Variants in RAB18 observed in about 807,000 individuals in gnomAD.
RAB18 encodes ras-related protein Rab-18.
Under a neutral mutation model 28.5 loss-of-function variants are expected in RAB18, and 10 were observed. The ratio of observed to expected loss-of-function variants is 0.35; its 90% confidence interval spans 0.22 to 0.60. The LOEUF (loss-of-function observed/expected upper bound fraction) is 0.60. Ranked by LOEUF, RAB18 falls within the 20% of genes least tolerant of loss-of-function variation. The pLI, the probability that RAB18 is intolerant of heterozygous loss-of-function variation, is 0.78. For synonymous variants in RAB18, 93 were observed against 86.9 expected (o/e 1.07, Z -0.39); for missense variants, 188 against 244.2 (o/e 0.77, Z 1.53).
rs370029370 is a variant in RAB18 at position 27,504,696 on chromosome 10, C to G, written c.68+259C>G. The G allele has an allele frequency of 5.6e-4, 403 of 713,356 alleles. No individual in the cohort carries two copies. The African/African-American group carries it at 6.3e-3, about 11-fold the overall frequency. 44.2% of individuals were successfully genotyped at this position (713,356 alleles called of 1,614,324 possible). ...CCCTCCTGTAGCGCCGAGAAAACAC[C>G]ATTCCGAGGGCCGCCGCTCGGCCGG... On this transcript the variant is annotated intron_variant, in intron 1 of 6. Transcript: ENST00000356940.
chr10:27,508,018 T>TAAA (rs1013067334), intron 1 of RAB18, among the ~76,000 whole-genome samples: 1 of 135,864 alleles, frequency 7.4e-6, no homozygotes, highest in South Asian at 2.4e-4. Flanking sequence ...CCCTCTCTCT[T>TAAA]AAAAAAAAAA....
chr10:27,514,598 C>T (rs1192336707), intron 2 of RAB18, among the ~76,000 whole-genome samples: 4 of 151,550 alleles, frequency 2.6e-5, no homozygotes, highest in Non-Finnish European at 4.4e-5. Context: ...AATGTTAAAA[C>T]GAATTAGAAA....
intron 6 of RAB18, among the ~76,000 whole-genome samples, chr10:27,537,314 C>A (rs1834920166): frequency 6.6e-6 from 1 of 152,178 alleles, no homozygotes; most frequent in African/African-American, 2.4e-5. Flanking sequence ...GTACTCATCT[C>A]AGACGGTGAG....
chr10:27,509,067 T>C (rs1030844100), intron 1 of RAB18, among the ~76,000 whole-genome samples: 1 of 152,224 alleles, frequency 6.6e-6, no homozygotes, highest in Non-Finnish European at 1.5e-5. Context: ...TGTAAAATCT[T>C]AGAGTACCCT....
chr10:27,505,103 T>C (rs373336105), intron 1 of RAB18: 13 of 533,408 alleles, frequency 2.4e-5, no homozygotes, highest in Non-Finnish European at 4.2e-5. Context: ...TTTTGCCACA[T>C]CCTGTGGAGA....
chr10:27,512,210 T>C (rs1231637710), intron 2 of RAB18, among the ~76,000 whole-genome samples: 1 of 152,150 alleles, frequency 6.6e-6, no homozygotes, highest in Non-Finnish European at 1.5e-5. Flanking sequence ...AGATTTACTC[T>C]TATTTGTGTC....
chr10:27,538,288 G>A lies in RAB18; in HGVS notation c.*237G>A, dbSNP rs879383793. On this transcript the variant is annotated 3_prime_UTR_variant, in exon 7 of 7. Transcript: ENST00000356940. Reference sequence around the variant, plus strand: ...GCACAAAATAGGTGTACCTTTATAAGTACATTCAATTTTATGATTTACATT... The same window carrying A: ...GCACAAAATAGGTGTACCTTTATAAATACATTCAATTTTATGATTTACATT... 1.1e-5 allele frequency: 7 copies of A among 632,122 alleles called. No individual in the cohort carries two copies. Among genetic ancestry groups the A allele is most frequent in the Admixed American group, 6.3e-5 (3 of 47,986 alleles). The allele number at this position is 632,122 out of a possible 1,614,324, so 39.2% of individuals were successfully genotyped here.
At position 27,539,997 on chromosome 10, in the gene RAB18, A is replaced by G. The variant is rs1344671920; in HGVS notation, c.*1946A>G. 1 of 454,018 alleles carries G rather than the reference A, an allele frequency of 2.2e-6. No homozygotes were observed. Among genetic ancestry groups the G allele is most frequent in the Admixed American group, 2.3e-5 (1 of 42,574 alleles). The allele number at this position is 454,018 out of a possible 1,614,324, so 28.1% of individuals were successfully genotyped here. A position where few individuals can be genotyped will look rare whatever the true frequency, so the allele number is the denominator to read the frequency against. The stretch of plus-strand genomic sequence containing the variant: ...TGAAACAGTTGTAATATCTAAGGTC[A>G]GGCACCTAGTAACAGGGTTTTGTTA... On this transcript the variant is annotated 3_prime_UTR_variant, in exon 7 of 7. Transcript: ENST00000356940.
chr10:27,529,103 C>T (rs571077808), intron 3 of RAB18, among the ~76,000 whole-genome samples: 5 of 151,832 alleles, frequency 3.3e-5, no homozygotes, highest in African/African-American at 9.6e-5. Flanking sequence ...TATCATTTGC[C>T]TTTAAAATCA....
At chr10:27,537,845 A>G (rs1350167954) in intron 6 of RAB18, 31 bp from the exon 7 acceptor site, 1 of 1,565,542 alleles carries the variant, frequency 6.4e-7, no homozygotes. Context: ...AAAGGAATAT[A>G]CTATGAATGA....
chr10:27,522,254 ATATGTT>A (rs1328550001), intron 2 of RAB18, among the ~76,000 whole-genome samples: 1 of 152,082 alleles, frequency 6.6e-6, no homozygotes, highest in Non-Finnish European at 1.5e-5. Flanking sequence ...TCTGTGGTGT[ATATGTT>A]TATAATTGTT....
At chr10:27,533,681 C>G (rs917395499) in intron 4 of RAB18, 54 bp from the exon 5 acceptor site, 2 of 1,568,240 alleles carry the variant, frequency 1.3e-6, no homozygotes, top group Admixed American at 3.5e-5. Flanking sequence ...ATCAGAAATA[C>G]GCCATTGCTT....
At chr10:27,512,912 AAT>A (rs1232974166) in intron 2 of RAB18, among the ~76,000 whole-genome samples, 1 of 151,874 alleles carries the variant, frequency 6.6e-6, no homozygotes, top group African/African-American at 2.4e-5. Flanking sequence ...TGCTGGTGAA[AAT>A]ATATGTAATT....
intron 1 of RAB18, among the ~76,000 whole-genome samples, chr10:27,507,122 A>G (rs1837862248): frequency 6.6e-6 from 1 of 152,224 alleles, no homozygotes; most frequent in Non-Finnish European, 1.5e-5. Flanking sequence ...TGTGGATATG[A>G]TCTTAAAGGA....
intron 1 of RAB18, among the ~76,000 whole-genome samples, chr10:27,508,850 C>G (rs989325643): frequency 2.0e-5 from 3 of 152,104 alleles, no homozygotes; most frequent in Admixed American, 2.0e-4. Context: ...TAAGATTTTT[C>G]TATAATTTAG....
intron 1 of RAB18, among the ~76,000 whole-genome samples, chr10:27,507,927 C>T (rs570408815): frequency 1.3e-5 from 2 of 151,294 alleles, no homozygotes; most frequent in South Asian, 4.2e-4. Context: ...CCTGTCATGC[C>T]AGTTACTTGG....
chr10:27,505,825 T>C (rs746309958), intron 1 of RAB18, among the ~76,000 whole-genome samples: 1 of 152,152 alleles, frequency 6.6e-6, no homozygotes, highest in African/African-American at 2.4e-5. Flanking sequence ...CCCAAAGTGC[T>C]AGGATTACAG....
Position 27,539,605 on chromosome 10 carries a change from A to G in RAB18, c.*1554A>G, listed in dbSNP as rs142068507. On this transcript the variant is annotated 3_prime_UTR_variant, in exon 7 of 7. Transcript: ENST00000356940. ...TGTACTTGTGATTTGTTCATGTTAT[A>G]TTAAAACTTGAGATTTGTGTATTTA... is the stretch of plus-strand genomic sequence containing the variant. 28 of 447,538 alleles carry G rather than the reference A, an allele frequency of 6.3e-5. No individual in the cohort carries two copies. The highest frequency in any genetic ancestry group is 5.2e-4 in the African/African-American group (26 of 49,714). 27.7% of individuals were successfully genotyped at this position (447,538 alleles called of 1,614,324 possible). A position where few individuals can be genotyped will look rare whatever the true frequency, so the allele number is the denominator to read the frequency against.
chr10:27,507,319 CTG>C (rs1837866637), intron 1 of RAB18, among the ~76,000 whole-genome samples: 1 of 152,164 alleles, frequency 6.6e-6, no homozygotes, highest in African/African-American at 2.4e-5. Flanking sequence ...GATTATGAAA[CTG>C]GGGCTGCCAC....
Sources: allele counts gnomAD v4.1 joint callset (sites outside exome capture counted in the v4.1 genomes callset), GRCh38; gene constraint gnomAD v4.1.1; transcripts MANE v1.5; gene names NCBI Gene and HGNC (gene_info 2026-07-23, HGNC 2026-07-21).